Variants in CDH8 observed in about 807,000 individuals in gnomAD.
CDH8 encodes the protein cadherin 8, also known as cadherin-8.
A neutral mutation model predicts 68.1 loss-of-function variants in CDH8; 17 were observed. The observed-to-expected ratio is 0.25, with a 90% confidence interval of 0.17 to 0.37. The LOEUF (loss-of-function observed/expected upper bound fraction) is 0.37, where lower values mean the gene tolerates loss of function less well. Ranked by LOEUF, CDH8 falls within the 10% of genes least tolerant of loss-of-function variation. CDH8 has a pLI of 1.00. For missense variants in CDH8, 763 were observed against 999.3 expected (o/e 0.76, Z 3.19); for synonymous variants, 372 against 365.1 (o/e 1.02, Z -0.21).
At chr16:61,696,477 G>T (rs542093996) in intron 10 of CDH8, among the ~76,000 whole-genome samples, 2 of 152,196 alleles carry the variant, frequency 1.3e-5, no homozygotes, top group African/African-American at 4.8e-5. Flanking sequence ...TGGCGAGGAT[G>T]CAGAGAAAAG....
chr16:61,707,244 GAA>G (rs1381369825), intron 10 of CDH8, among the ~76,000 whole-genome samples: 6 of 152,088 alleles, frequency 3.9e-5, no homozygotes. Flanking sequence ...AGAGGACAAG[GAA>G]ACTATTTATT....
chr16:61,966,940 C>G (rs1055491843), intron 2 of CDH8, among the ~76,000 whole-genome samples: 4 of 152,138 alleles, frequency 2.6e-5, no homozygotes, highest in African/African-American at 9.7e-5. Context: ...CATGGTGGCT[C>G]ACACCTGTAA....
At chr16:61,959,501 A>C (rs1410263311) in intron 2 of CDH8, among the ~76,000 whole-genome samples, 3 of 148,640 alleles carry the variant, frequency 2.0e-5, no homozygotes, top group African/African-American at 5.0e-5. Context: ...TTACTCGCAA[A>C]AGCCAGCCCT....
At chr16:61,745,586 C>G (rs927293898) in intron 8 of CDH8, among the ~76,000 whole-genome samples, 1 of 148,752 alleles carries the variant, frequency 6.7e-6, no homozygotes, top group Non-Finnish European at 1.5e-5. Context: ...CTTTTTGTCT[C>G]TTTTCTTTCT....
At chr16:61,891,516 G>A (rs1024259443) in intron 3 of CDH8, among the ~76,000 whole-genome samples, 2 of 152,078 alleles carry the variant, frequency 1.3e-5, no homozygotes, top group Non-Finnish European at 2.9e-5. Context: ...GGAGACCTTT[G>A]AATAGCACAA....
chr16:61,658,500 A>C (rs6498805), intron 10 of CDH8, among the ~76,000 whole-genome samples: 83,830 of 151,684 alleles, frequency 0.55, 23,449 homozygotes, highest in African/African-American at 0.61. Flanking sequence ...AGTAACTTAT[A>C]ACTTACCTAC....
chr16:61,993,825 T>G (rs1410378971), intron 2 of CDH8, among the ~76,000 whole-genome samples: 2 of 152,178 alleles, frequency 1.3e-5, no homozygotes, highest in African/African-American at 4.8e-5. Flanking sequence ...TAAAAAAAAT[T>G]CTGTGAACAC....
Position 61,695,620 on chromosome 16 carries a change from A to G in CDH8, c.1654+18221T>C, listed in dbSNP as rs577146661. Reference sequence around the variant, plus strand: ...CCTTTCCTAGATGTGACAATTCCAGACACTGTCAAATATCTCCTGAACTGC... The same window carrying G: ...CCTTTCCTAGATGTGACAATTCCAGGCACTGTCAAATATCTCCTGAACTGC... On this transcript the variant is annotated intron_variant, in intron 10 of 11. Coordinates refer to ENST00000577390, the MANE Select transcript of CDH8 (RefSeq NM_001796.5). Among the ~76,000 whole-genome samples, 3 of 152,268 alleles carry G rather than the reference A, an allele frequency of 2.0e-5. 1 individual carries two copies. The South Asian group carries it at 6.2e-4, about 32-fold the overall frequency.
At chr16:61,809,635 T>G (rs1303116358) in intron 7 of CDH8, among the ~76,000 whole-genome samples, 1 of 152,192 alleles carries the variant, frequency 6.6e-6, no homozygotes, top group Non-Finnish European at 1.5e-5. Flanking sequence ...ATTTATATAG[T>G]CATAGACAAC....
intron 3 of CDH8, among the ~76,000 whole-genome samples, chr16:61,898,538 T>G (rs1963909575): frequency 6.6e-6 from 1 of 152,144 alleles, no homozygotes; most frequent in South Asian, 2.1e-4. Context: ...GCTGAACACC[T>G]ATAAAATGTA....
At chr16:61,720,513 CA>C in intron 9 of CDH8, among the ~76,000 whole-genome samples, 1 of 150,826 alleles carries the variant, frequency 6.6e-6, no homozygotes, top group Non-Finnish European at 1.5e-5. Flanking sequence ...TAATCAATCT[CA>C]ATTAAATTAG....
chr16:61,831,675 T>C (rs1270254246), intron 4 of CDH8, among the ~76,000 whole-genome samples: 1 of 151,806 alleles, frequency 6.6e-6, no homozygotes, highest in Non-Finnish European at 1.5e-5. Context: ...TTTTTATAAT[T>C]TCTGTGATAT....
chr16:61,839,108 C>A (rs1301176677), intron 4 of CDH8, among the ~76,000 whole-genome samples: 1 of 152,066 alleles, frequency 6.6e-6, no homozygotes, highest in South Asian at 2.1e-4. Context: ...CTTTGTCCAT[C>A]CTCACTGAAA....
At chr16:61,951,957 G>A (rs952017799) in intron 2 of CDH8, among the ~76,000 whole-genome samples, 1 of 152,194 alleles carries the variant, frequency 6.6e-6, no homozygotes, top group Non-Finnish European at 1.5e-5. Context: ...CATTGTATAA[G>A]CTAATAGAAA....
chr16:61,857,181 C>A lies in CDH8; in HGVS notation c.605G>T (p.Ser202Ile). 6.2e-7 allele frequency: 1 copy of A among 1,613,376 alleles called. No homozygotes were observed. The highest frequency in any genetic ancestry group is 8.5e-7 in the Non-Finnish European group (1 of 1,179,428). Reference sequence around the variant, plus strand: ...CAATATACTATAAACCAACTTTGCACTGTTTCCATAAACTGGGTCATCAGC... The same window carrying A: ...CAATATACTATAAACCAACTTTGCAATGTTTCCATAAACTGGGTCATCAGC... ...TDADDPVYGN[S>I]AKLVYSILEG... Residue 202 changes from serine to isoleucine, a missense_variant, in exon 4 of 12, where the codon AGT becomes ATT. Physicochemically the swap from Ser to Ile is moderately radical, Grantham distance 142. Coordinates refer to ENST00000577390, the MANE Select transcript of CDH8 (RefSeq NM_001796.5).
At chr16:61,902,908 G>A (rs1463561753) in intron 2 of CDH8, among the ~76,000 whole-genome samples, 1 of 152,052 alleles carries the variant, frequency 6.6e-6, no homozygotes, top group Non-Finnish European at 1.5e-5. Flanking sequence ...ATATTGAAAT[G>A]CCACTTTATC....
At chr16:61,949,649 T>G (rs923864652) in intron 2 of CDH8, among the ~76,000 whole-genome samples, 2 of 151,908 alleles carry the variant, frequency 1.3e-5, no homozygotes, top group African/African-American at 2.4e-5. Flanking sequence ...ACATGACATC[T>G]ATTAATACCT....
intron 2 of CDH8, among the ~76,000 whole-genome samples, chr16:61,924,282 A>T (rs1323500821): frequency 6.6e-6 from 1 of 152,184 alleles, no homozygotes; most frequent in Non-Finnish European, 1.5e-5. Flanking sequence ...TTCACTTCTG[A>T]ATACTAAAAC....
intron 7 of CDH8, among the ~76,000 whole-genome samples, chr16:61,792,130 ATG>A (rs1401919944): frequency 6.6e-6 from 1 of 152,014 alleles, no homozygotes; most frequent in Admixed American, 6.6e-5. Context: ...CTTTAAAAAA[ATG>A]TGTGTTATTT....
Sources: allele counts gnomAD v4.1 joint callset (sites outside exome capture counted in the v4.1 genomes callset), GRCh38; gene constraint gnomAD v4.1.1; transcripts MANE v1.5; gene names NCBI Gene and HGNC (gene_info 2026-07-23, HGNC 2026-07-21).